The following PCCB variants were observed in gnomAD, a reference collection of about 807,000 sequenced individuals.
PCCB encodes the protein propionyl-CoA carboxylase subunit beta, also known as propionyl-CoA carboxylase beta chain, mitochondrial.
A neutral mutation model predicts 60.7 loss-of-function variants in PCCB; 43 were observed. That is an observed-to-expected ratio of 0.71 (90% CI 0.55 to 0.91). PCCB has a LOEUF of 0.91. Among genes scored for constraint, PCCB ranks in the 40% least tolerant of loss-of-function variants. The probability of loss-of-function intolerance (pLI) is 0.00; values close to 1 mark genes in which losing one functional copy is unlikely to be tolerated. For synonymous variants in PCCB, 276 were observed against 255.9 expected (o/e 1.08, Z -0.75); for missense variants, 766 against 702.8 (o/e 1.09, Z -1.02).
chr3:136,256,140 G>A (rs1941666181), intron 2 of PCCB, 165 bp downstream of exon 2: 5 of 1,001,628 alleles, frequency 5.0e-6, no homozygotes, highest in Admixed American at 4.6e-5. Flanking sequence ...ATGGGCTTTC[G>A]CCATGTTGGT....
intron 13 of PCCB, among the ~76,000 whole-genome samples, chr3:136,328,234 G>T (rs1347208249): frequency 6.6e-6 from 1 of 152,084 alleles, no homozygotes; most frequent in Non-Finnish European, 1.5e-5. Flanking sequence ...TAGCTATTGT[G>T]GTCGAATCAG....
chr3:136,275,666 C>G (rs955388464), intron 5 of PCCB, among the ~76,000 whole-genome samples: 7 of 151,938 alleles, frequency 4.6e-5, no homozygotes, highest in African/African-American at 1.5e-4. Context: ...TTATTATAGC[C>G]TAATGTGATT....
chr3:136,267,035 AC>A (rs1247715181), intron 5 of PCCB, among the ~76,000 whole-genome samples: 3 of 152,108 alleles, frequency 2.0e-5, no homozygotes, highest in African/African-American at 4.8e-5. Context: ...GGTGCATGCC[AC>A]CACGTCCAGC....
intron 5 of PCCB, among the ~76,000 whole-genome samples, chr3:136,275,268 C>A (rs563299846): frequency 6.6e-6 from 1 of 151,858 alleles, no homozygotes; most frequent in Non-Finnish European, 1.5e-5. Flanking sequence ...GTTTCATTTC[C>A]GGAAATTCTG....
chr3:136,279,551 G>A (rs1426374966), intron 5 of PCCB, among the ~76,000 whole-genome samples: 1 of 152,078 alleles, frequency 6.6e-6, no homozygotes, highest in Non-Finnish European at 1.5e-5. Context: ...TACTGCTTCT[G>A]TAACTCTCCA....
intron 9 of PCCB, among the ~76,000 whole-genome samples, chr3:136,308,765 T>C (rs963619700): frequency 6.6e-6 from 1 of 152,176 alleles, no homozygotes; most frequent in Non-Finnish European, 1.5e-5. Context: ...TTAGAAACTT[T>C]TGTAGCAACT....
chr3:136,256,373 G>A, intron 2 of PCCB, 182 bp from the exon 3 acceptor site: 1 of 646,410 alleles, frequency 1.5e-6, no homozygotes. Context: ...TGATGAAGTA[G>A]TAGCCCTGTG....
At chr3:136,268,049 AGTGTGTGTGTGTGTGCGT>A (rs1205445400) in intron 5 of PCCB, among the ~76,000 whole-genome samples, 6 of 83,938 alleles carry the variant, frequency 7.1e-5, no homozygotes, top group South Asian at 4.2e-4. Context: ...AAACCTGGCT[AGTGTGTGTGTGTGTGCGT>A]GTGTGTGTGT....
chr3:136,260,149 C>T, intron 3 of PCCB: 1 of 418,182 alleles, frequency 2.4e-6, no homozygotes, highest in Non-Finnish European at 4.5e-6. Flanking sequence ...TCTCAACTCA[C>T]TGAAGCCTCT....
At chr3:136,284,249 C>CG (rs1380355818) in intron 6 of PCCB, among the ~76,000 whole-genome samples, 6 of 152,170 alleles carry the variant, frequency 3.9e-5, no homozygotes, top group African/African-American at 1.4e-4. Context: ...TGACTGTTTA[C>CG]TGAGTCCTAT....
At chr3:136,270,405 A>G (rs1327345724) in intron 5 of PCCB, among the ~76,000 whole-genome samples, 3 of 152,200 alleles carry the variant, frequency 2.0e-5, no homozygotes, top group African/African-American at 7.2e-5. Flanking sequence ...TCTGTGAGGT[A>G]GGTTCCCTAT....
chr3:136,315,987 G>A (rs1254643137), intron 9 of PCCB, among the ~76,000 whole-genome samples: 1 of 152,142 alleles, frequency 6.6e-6, no homozygotes, highest in Admixed American at 6.5e-5. Context: ...TGGAGGCCAA[G>A]GTGGGAGGAT....
intron 7 of PCCB, among the ~76,000 whole-genome samples, chr3:136,295,224 C>T (rs1933878108): frequency 6.6e-6 from 1 of 152,224 alleles, no homozygotes; most frequent in African/African-American, 2.4e-5. Context: ...CTGATTTATG[C>T]ACCTCATTGT....
At chr3:136,265,799 T>A (rs1941966819) in intron 5 of PCCB, among the ~76,000 whole-genome samples, 2 of 152,014 alleles carry the variant, frequency 1.3e-5, no homozygotes, top group African/African-American at 4.8e-5. Flanking sequence ...TCCATATCTT[T>A]GTTGATACTT....
chr3:136,314,893 A>G lies in PCCB; in HGVS notation c.967-2048A>G, dbSNP rs1345819461. Among the ~76,000 whole-genome samples, 3 of 152,342 alleles carry G rather than the reference A, an allele frequency of 2.0e-5. No individual in the cohort carries two copies. The East Asian group carries it at 5.8e-4, about 29-fold the overall frequency. On this transcript the variant is annotated intron_variant, in intron 9 of 14. Coordinates refer to ENST00000251654, the MANE Select transcript of PCCB (RefSeq NM_000532.5). ...GGAGAAATAGTAACTTTACAAGGAAACCTGCAGATATCACCATCATTAATG... is the reference window on the plus strand; with the variant it reads ...GGAGAAATAGTAACTTTACAAGGAAGCCTGCAGATATCACCATCATTAATG...
At chr3:136,327,483 A>G (rs929920874) in intron 12 of PCCB, 151 bp from the exon 13 acceptor site, 1 of 740,588 alleles carries the variant, frequency 1.4e-6, no homozygotes, top group African/African-American at 1.7e-5. Context: ...ATGAGCATTA[A>G]CTTTGAAAGG....
At chr3:136,269,450 A>G (rs548543368) in intron 5 of PCCB, among the ~76,000 whole-genome samples, 2 of 151,954 alleles carry the variant, frequency 1.3e-5, no homozygotes, top group South Asian at 4.1e-4. Flanking sequence ...ATTTCTTTGG[A>G]TTTTCTATAT....
chr3:136,303,756 A>C lies in PCCB; in HGVS notation c.966+2645A>C, dbSNP rs1934366726. 3.3e-5 allele frequency among the ~76,000 whole-genome samples: 4 copies of C among 121,124 alleles called. 2 individuals are homozygous for C. The South Asian group carries it at 1.3e-3, about 39-fold the overall frequency. 79.5% of individuals were successfully genotyped at this position (121,124 alleles called of 152,430 possible). The stretch of plus-strand genomic sequence containing the variant: ...GTAGCTGGGATTACAGGCGAGCCCT[A>C]CCATGTCCGGCTAATTTTTGTACTT... On this transcript the variant is annotated intron_variant, in intron 9 of 14. Transcript: ENST00000251654.
chr3:136,258,853 C>T (rs1941747500), intron 3 of PCCB, among the ~76,000 whole-genome samples: 1 of 151,962 alleles, frequency 6.6e-6, no homozygotes, highest in Non-Finnish European at 1.5e-5. Context: ...CTTCTCACCT[C>T]CACTTTCCAT....
Sources: allele counts gnomAD v4.1 joint callset (sites outside exome capture counted in the v4.1 genomes callset), GRCh38; gene constraint gnomAD v4.1.1; transcripts MANE v1.5; gene names NCBI Gene and HGNC (gene_info 2026-07-23, HGNC 2026-07-21).